Variants in ZNRF1 observed in about 807,000 individuals in gnomAD.
The protein encoded by ZNRF1 is E3 ubiquitin-protein ligase ZNRF1.
ZNRF1 carries 3 observed loss-of-function variants against 18.4 expected under a neutral mutation model. That is an observed-to-expected ratio of 0.16 (90% confidence interval 0.07 to 0.42). ZNRF1 has a LOEUF of 0.42. Ranked by LOEUF, ZNRF1 falls within the 10% of genes least tolerant of loss-of-function variation. ZNRF1 has a pLI of 0.99. For missense variants in ZNRF1, 310 were observed against 329.8 expected, an observed-to-expected ratio of 0.94 and a Z score of 0.47; for synonymous variants, 157 against 144.2, an observed-to-expected ratio of 1.09 and a Z score of -0.64.
rs929434123 is a variant in ZNRF1, at chr16:75,110,053, G to C, written c.*2353G>C. On this transcript the variant is annotated 3_prime_UTR_variant, in exon 5 of 5. Coordinates refer to ENST00000335325, the MANE Select transcript of ZNRF1 (RefSeq NM_032268.5). The stretch of plus-strand genomic sequence containing the variant: ...GCTTTGGCAGTGCCATGGGTGAGCC[G>C]AGCAGCTGTGAGGTGGGTGGGGCAG... 2.0e-5 allele frequency: 3 copies of C among 152,404 alleles called. No individual in the cohort carries two copies. Among genetic ancestry groups the C allele is most frequent in the Non-Finnish European group, 4.4e-5 (3 of 68,142 alleles). 9.4% of individuals were successfully genotyped at this position (152,404 alleles called of 1,614,324 possible).
At chr16:75,082,512 GTAGA>G (rs752555825) in intron 1 of ZNRF1, among the ~76,000 whole-genome samples, 4 of 152,194 alleles carry the variant, frequency 2.6e-5, no homozygotes, top group Non-Finnish European at 5.9e-5. Flanking sequence ...GTTCCTAGCT[GTAGA>G]TAGATGTCTT....
chr16:75,095,742 A>T, intron 2 of ZNRF1: 3 of 1,527,420 alleles, frequency 2.0e-6, no homozygotes, highest in Middle Eastern at 1.8e-4. Flanking sequence ...CCTGTGGAGA[A>T]CCGGGAAGGT....
At chr16:75,037,381 C>T (rs1449484006) in intron 1 of ZNRF1, among the ~76,000 whole-genome samples, 1 of 152,130 alleles carries the variant, frequency 6.6e-6, no homozygotes, top group Non-Finnish European at 1.5e-5. Flanking sequence ...CACAGTCTCC[C>T]TCTGTCACCC....
rs374451771 is a variant in ZNRF1 at position 75,073,118 on chromosome 16, ATCTC to A, written c.425-20422_425-20419del. Among the ~76,000 whole-genome samples, 320 of 128,436 alleles carry A rather than the reference ATCTC, an allele frequency of 2.5e-3. 4 individuals carry two copies. Among genetic ancestry groups the A allele is most frequent in the African/African-American group, 6.9e-3 (229 of 33,252 alleles). 84.3% of individuals were successfully genotyped at this position (128,436 alleles called of 152,430 possible). A position where few individuals can be genotyped will look rare whatever the true frequency, so the allele number is the denominator to read the frequency against. ...AACCTGGGTAACATAGTGAGACCCC[ATCTC>A]TCTCTCTCTCTCTCTCTCTCTCTCT... is the stretch of plus-strand genomic sequence containing the variant. On this transcript the variant is annotated intron_variant, in intron 1 of 4. Transcript: ENST00000335325.
intron 2 of ZNRF1, chr16:75,095,873 C>A: frequency 1.1e-6 from 1 of 900,992 alleles, no homozygotes; most frequent in Non-Finnish European, 1.5e-6. Context: ...CACCCCACCA[C>A]CGGCAGCCTC....
At chr16:75,079,253 G>A (rs771945961) in intron 1 of ZNRF1, among the ~76,000 whole-genome samples, 3 of 152,102 alleles carry the variant, frequency 2.0e-5, no homozygotes, top group Non-Finnish European at 2.9e-5. Context: ...AGGCTGAGGC[G>A]GGCGGATCAC....
chr16:75,068,861 A>G (rs1232931740), intron 1 of ZNRF1, among the ~76,000 whole-genome samples: 1 of 149,356 alleles, frequency 6.7e-6, no homozygotes, highest in East Asian at 2.0e-4. Flanking sequence ...CTATTCCCTT[A>G]CTTGTCTGAG....
At chr16:75,000,272 C>T (rs2034826575) in intron 1 of ZNRF1, 177 bp downstream of exon 1, 1 of 992,650 alleles carries the variant, frequency 1.0e-6, no homozygotes, top group African/African-American at 1.6e-5. Flanking sequence ...AGGCTTTCTG[C>T]GAGGCTGCGG....
At chr16:75,096,061 CGTGTGTGTGTGTGTGTGTGT>C (rs56013949) in intron 2 of ZNRF1, among the ~76,000 whole-genome samples, 1 of 139,750 alleles carries the variant, frequency 7.2e-6, no homozygotes, top group Non-Finnish European at 1.6e-5. Context: ...TATGTGTGCA[CGTGTGTGTGTGTGTGTGTGT>C]GTGTGTGTGT....
chr16:75,048,082 A>G (rs1282858727), intron 1 of ZNRF1, among the ~76,000 whole-genome samples: 1 of 151,946 alleles, frequency 6.6e-6, no homozygotes, highest in African/African-American at 2.4e-5. Context: ...CTTCCCAAGT[A>G]GCTGGAACTA....
intron 1 of ZNRF1, among the ~76,000 whole-genome samples, chr16:75,071,958 A>T (rs551775327): frequency 2.4e-4 from 36 of 151,812 alleles, no homozygotes; most frequent in Admixed American, 1.9e-3. Context: ...TTTATTTTTT[A>T]TTATTTTTGA....
At chr16:75,029,033 A>G (rs971638835) in intron 1 of ZNRF1, among the ~76,000 whole-genome samples, 30 of 150,150 alleles carry the variant, frequency 2.0e-4, no homozygotes, top group African/African-American at 6.3e-4. Flanking sequence ...AGTGGTTGTA[A>G]ATACAGTGTG....
intron 1 of ZNRF1, among the ~76,000 whole-genome samples, chr16:75,079,606 A>C (rs2145409544): frequency 2.0e-5 from 3 of 152,300 alleles, no homozygotes; most frequent in Middle Eastern, 6.8e-3. Context: ...CTGAAGTATG[A>C]AGGCCTTCTC....
At chr16:75,023,727 C>T (rs1196301895) in intron 1 of ZNRF1, among the ~76,000 whole-genome samples, 2 of 151,924 alleles carry the variant, frequency 1.3e-5, no homozygotes, top group Non-Finnish European at 2.9e-5. Flanking sequence ...GTCACACCAG[C>T]CTGGGCCCCA....
intron 2 of ZNRF1, among the ~76,000 whole-genome samples, chr16:75,101,325 G>A (rs1430652400): frequency 6.6e-6 from 1 of 152,216 alleles, no homozygotes; most frequent in Non-Finnish European, 1.5e-5. Flanking sequence ...GGAGGCCGAG[G>A]TAGGTGGATC....
In ZNRF1 at chr16:75,039,434, G is replaced by C. The variant is rs549100692; in HGVS notation, c.424+39339G>C. Reference sequence around the variant, plus strand: ...AATTTACTTGGTCATTTTCAACCCAGGAACACACAGATTTTACTCTTGAAA... The same window carrying C: ...AATTTACTTGGTCATTTTCAACCCACGAACACACAGATTTTACTCTTGAAA... On this transcript the variant is annotated intron_variant, in intron 1 of 4. Transcript: ENST00000335325. Among the ~76,000 whole-genome samples, 10 of 152,236 alleles carry C rather than the reference G, an allele frequency of 6.6e-5. No homozygotes were observed. The East Asian group carries it at 1.9e-3, about 29-fold the overall frequency.
intron 1 of ZNRF1, 103 bp from the exon 2 acceptor site, chr16:75,093,469 C>T: frequency 3.5e-6 from 3 of 849,742 alleles, no homozygotes; most frequent in Non-Finnish European, 5.9e-6. Flanking sequence ...TCATCCTCCA[C>T]ATTGACCCTG....
intron 1 of ZNRF1, among the ~76,000 whole-genome samples, chr16:75,073,340 A>C (rs763248330): frequency 6.6e-6 from 1 of 151,488 alleles, no homozygotes; most frequent in Non-Finnish European, 1.5e-5. Flanking sequence ...CCTCCAGTGC[A>C]TGGTGTTGAG....
chr16:75,079,308 C>T (rs775412584), intron 1 of ZNRF1, among the ~76,000 whole-genome samples: 17 of 152,084 alleles, frequency 1.1e-4, no homozygotes, highest in Non-Finnish European at 2.4e-4. Flanking sequence ...GGTGAAACCC[C>T]GTCTCTACTA....
Sources: gnomAD v4.1 joint callset for allele counts (sites outside exome capture counted in the v4.1 genomes callset) on GRCh38, gnomAD v4.1.1 for gene constraint, MANE v1.5 for transcripts, NCBI Gene and HGNC (gene_info 2026-07-23, HGNC 2026-07-21) for gene names.